The following AFM variants were observed in gnomAD, a reference collection of about 807,000 sequenced individuals.
The protein encoded by AFM is alpha-Alb.
In AFM, 82 loss-of-function variants were observed where a neutral mutation model predicts 68.7. The ratio of observed to expected loss-of-function variants is 1.19; its 90% CI spans 1.00 to 1.43. The LOEUF (loss-of-function observed/expected upper bound fraction) is 1.43. Ranked by LOEUF, AFM falls within the 40% of genes most tolerant of loss-of-function variation. The probability of loss-of-function intolerance (pLI) is 0.00; values close to 1 mark genes in which losing one functional copy is unlikely to be tolerated. For synonymous variants in AFM, 250 were observed against 234.2 expected, an observed-to-expected ratio of 1.07 and a Z score of -0.61; for missense variants, 772 against 701.8, an observed-to-expected ratio of 1.10 and a Z score of -1.13.
intron 3 of AFM, 117 bp from the exon 4 acceptor site, chr4:73,485,745 A>G: frequency 1.3e-6 from 1 of 748,920 alleles, no homozygotes; most frequent in Non-Finnish European, 2.2e-6. Context: ...GGAGTAGGAG[A>G]AAGAGAAGGA....
rs371280850 is a variant in AFM at position 73,492,043 on chromosome 4, G to A, written c.1015G>A (p.Val339Met). The part of the protein sequence containing the change: ...REGKFTDSEN[V>M]CQERDADPDT... ...AGGAAAATTTACTGACAGTGAAAATGTGTGTCAAGAACGAGATGCTGACCC... is the reference window on the plus strand; with the variant it reads ...AGGAAAATTTACTGACAGTGAAAATATGTGTCAAGAACGAGATGCTGACCC... The change falls in exon 8 of 15, where the codon GTG becomes ATG. Residue 339 changes from valine (V) to methionine (M), a missense_variant. Physicochemically the swap from Val to Met is conservative, Grantham distance 21. Transcript: ENST00000226355. 1.8e-5 allele frequency: 29 copies of A among 1,613,108 alleles called. No individual in the cohort carries two copies. In the South Asian group the frequency reaches 3.0e-4, roughly 17 times the overall value.
intron 1 of AFM, 95 bp downstream of exon 1, chr4:73,481,958 G>C: frequency 1.1e-6 from 1 of 873,786 alleles, no homozygotes; most frequent in East Asian, 2.7e-5. Flanking sequence ...TTCTTTACTT[G>C]CTTTTTTCAC....
rs1006236927 is a variant in AFM at position 73,484,067 on chromosome 4, A to G, written c.137+78A>G. On this transcript the variant is annotated intron_variant, in intron 2 of 14. Transcript: ENST00000226355. Reference sequence around the variant, plus strand: ...GAAATGTTAATGCTTCTCAAAAGTAATTTAACTAAATAGAAGCCATATCCA... The same window carrying G: ...GAAATGTTAATGCTTCTCAAAAGTAGTTTAACTAAATAGAAGCCATATCCA... 1.8e-5 allele frequency: 25 copies of G among 1,395,220 alleles called. No individual in the cohort carries two copies. The African/African-American group carries it at 3.3e-4, about 18-fold the overall frequency. The allele number at this position is 1,395,220 out of a possible 1,614,324, so 86.4% of individuals were successfully genotyped here.
At chr4:73,497,894 G>C in intron 10 of AFM, 145 bp downstream of exon 10, 1 of 490,106 alleles carries the variant, frequency 2.0e-6, no homozygotes, top group Non-Finnish European at 3.6e-6. Flanking sequence ...AGTCAAGAAT[G>C]CCTATTGAAC....
chr4:73,501,951 C>A (rs1721435818), intron 13 of AFM, 32 bp downstream of exon 13: 1 of 1,603,496 alleles, frequency 6.2e-7, no homozygotes, highest in Non-Finnish European at 8.5e-7. Context: ...TGAAATTCAA[C>A]TGGTTTTCCT....
Position 73,485,870 on chromosome 4 carries a change from T to C in AFM, c.279T>C (p.Val93=), listed in dbSNP as rs1314209974. The change falls in exon 4 of 15, where the codon GTT becomes GTC. Residue 93 remains valine (V), a synonymous_variant. Transcript: ENST00000226355. The part of the protein sequence containing the change: ...LPECSKLPNN[V]LQEKICAMEG... ...TCTTCTCTGTTGTATAGAATAATGT[T>C]TTACAGGAAAAAATATGTGCTATGG... is the stretch of plus-strand genomic sequence containing the variant. The C allele has an allele frequency of 1.2e-6, 2 of 1,613,524 alleles. No homozygotes were observed. Among genetic ancestry groups the C allele is most frequent in the Non-Finnish European group, 1.7e-6 (2 of 1,179,676 alleles).
chr4:73,491,969 T>C lies in AFM; in HGVS notation c.941T>C (p.Ile314Thr), dbSNP rs767432166. The C allele has an allele frequency of 6.2e-7, 1 of 1,614,008 alleles. No individual in the cohort carries two copies. The highest frequency in any genetic ancestry group is 8.5e-7 in the Non-Finnish European group (1 of 1,179,944). The change falls in exon 8 of 15, where the codon ATA (isoleucine) becomes ACA (threonine). Residue 314 changes from isoleucine (I) to threonine (T), a missense_variant. Ile to Thr is a moderately conservative substitution (Grantham distance 89). Coordinates refer to ENST00000226355, the MANE Select transcript of AFM (RefSeq NM_001133.2). Reference protein sequence around the residue: ...EKKIPERGQCIINSNKDDRPK... With the variant: ...EKKIPERGQCTINSNKDDRPK... ...AAAATACCAGAGCGCGGCCAGTGCA[T>C]AATTAACTCAAACAAAGATGATAGA...
In AFM at chr4:73,485,859, T is replaced by C. The variant is rs1289571943; in HGVS notation, c.271-3T>C. On this transcript the variant is annotated splice_polypyrimidine_tract_variant and splice_region_variant and intron_variant, in intron 3 of 14. Coordinates refer to ENST00000226355, the MANE Select transcript of AFM (RefSeq NM_001133.2). ...AATTGTCCTTTTCTTCTCTGTTGTA[T>C]AGAATAATGTTTTACAGGAAAAAAT... The C allele has an allele frequency of 6.2e-7, 1 of 1,612,260 alleles. No homozygotes were observed. Among genetic ancestry groups the C allele is most frequent in the South Asian group, 1.1e-5 (1 of 91,026 alleles).
At chr4:73,498,992 A>G in intron 10 of AFM, 122 bp from the exon 11 acceptor site, 1 of 908,508 alleles carries the variant, frequency 1.1e-6, no homozygotes, top group Admixed American at 2.8e-5. Flanking sequence ...TGAGAGAGCT[A>G]AGGTTCATGT....
At position 73,487,083 on chromosome 4, in the gene AFM, A is replaced by C; in HGVS notation, c.599A>C (p.Asn200Thr). The C allele has an allele frequency of 1.2e-6, 2 of 1,613,972 alleles. No individual in the cohort carries two copies. Among genetic ancestry groups the C allele is most frequent in the South Asian group, 1.1e-5 (1 of 91,066 alleles). Residue 200 changes from asparagine (N) to threonine (T), a missense_variant, in exon 5 of 15, where the codon AAC becomes ACC. Coordinates refer to ENST00000226355, the MANE Select transcript of AFM (RefSeq NM_001133.2). The stretch of plus-strand genomic sequence containing the variant: ...TGTTGTGAAGAACAAAACAAAGTCA[A>C]CTGCCTTCAAACAAGGGTGGGTATA... ...KSCCEEQNKV[N>T]CLQTRAIPVT... is the part of the protein sequence containing the mutation.
At position 73,491,934 on chromosome 4, in the gene AFM, C is replaced by T. The variant is rs1577976682; in HGVS notation, c.906C>T (p.Cys302=). 6.2e-7 allele frequency: 1 copy of T among 1,613,858 alleles called. No individual in the cohort carries two copies. The highest frequency in any genetic ancestry group is 8.5e-7 in the Non-Finnish European group (1 of 1,179,894). The change falls in exon 8 of 15, where the codon TGC becomes TGT. Residue 302 remains cysteine, a synonymous_variant. Transcript: ENST00000226355. ...CTATCTCCAGCAAAATCAAAGAGTG[C>T]TGTGAAAAGAAAATACCAGAGCGCG... ...QDSISSKIKE[C]CEKKIPERGQ...
At chr4:73,490,522 C>A (rs1280896923) in intron 7 of AFM, among the ~76,000 whole-genome samples, 2 of 152,138 alleles carry the variant, frequency 1.3e-5, no homozygotes, top group Non-Finnish European at 2.9e-5. Context: ...TGGGTTCACG[C>A]CATTCTCCTG....
chr4:73,487,142 C>G (rs1196777707), intron 5 of AFM, 43 bp downstream of exon 5: 1 of 1,605,588 alleles, frequency 6.2e-7, no homozygotes, highest in South Asian at 1.1e-5. Context: ...AGAAATCACT[C>G]AATACCACAG....
intron 7 of AFM, among the ~76,000 whole-genome samples, chr4:73,490,237 G>C (rs147672354): frequency 6.9e-4 from 104 of 151,228 alleles, no homozygotes; most frequent in African/African-American, 2.4e-3. Flanking sequence ...TAGGCTTACA[G>C]TGAAGATAGC....
rs756891996 is a variant in AFM, at chr4:73,495,370, T to C, written c.1129T>C (p.Tyr377His). The C allele has an allele frequency of 3.0e-5, 48 of 1,613,248 alleles. No individual in the cohort carries two copies. In the East Asian group the frequency reaches 9.8e-4, roughly 33 times the overall value. Residue 377 changes from tyrosine to histidine, a missense_variant, in exon 9 of 15, where the codon TAC (tyrosine) becomes CAC (histidine). By Grantham distance (83) the Tyr-to-His change is moderately conservative. Transcript: ENST00000226355. Reference sequence around the variant, plus strand: ...AGAGCTTTTAAGAATTGTTCAAATATACAAAGATCTCCTGAGAAATTGCTG... The same window carrying C: ...AGAGCTTTTAAGAATTGTTCAAATACACAAAGATCTCCTGAGAAATTGCTG... Reference protein sequence around the residue: ...IPELLRIVQIYKDLLRNCCNT... With the variant: ...IPELLRIVQIHKDLLRNCCNT...
Position 73,500,095 on chromosome 4 carries a change from T to A in AFM, c.1514T>A (p.Phe505Tyr). 3 of 1,614,088 alleles carry A rather than the reference T, an allele frequency of 1.9e-6. No individual in the cohort carries two copies. The highest frequency in any genetic ancestry group is 1.7e-6 in the Non-Finnish European group (2 of 1,179,976). ...CACTGCTGTAAAACAAACTTTGCCTTCAGAAGGCCCTGCTTTGAGAGTTTG... is the reference window on the plus strand; with the variant it reads ...CACTGCTGTAAAACAAACTTTGCCTACAGAAGGCCCTGCTTTGAGAGTTTG... ...VDHCCKTNFAFRRPCFESLKA... is the reference protein window; with the variant it reads ...VDHCCKTNFAYRRPCFESLKA... Residue 505 changes from phenylalanine to tyrosine, a missense_variant, in exon 12 of 15, where the codon TTC becomes TAC. Phe to Tyr is a conservative substitution (Grantham distance 22, BLOSUM62 3). Coordinates refer to ENST00000226355, the MANE Select transcript of AFM (RefSeq NM_001133.2).
intron 9 of AFM, 88 bp from the exon 10 acceptor site, chr4:73,497,564 A>G: frequency 1.3e-6 from 1 of 767,114 alleles, no homozygotes; most frequent in South Asian, 3.0e-5. Context: ...TACCATAGAA[A>G]TAAGAAATGC....
chr4:73,484,117 T>A, intron 2 of AFM, 128 bp downstream of exon 2: 1 of 1,385,986 alleles, frequency 7.2e-7, no homozygotes, highest in Non-Finnish European at 9.6e-7. Flanking sequence ...ATTATAAAAT[T>A]CAGGCAAAGA....
At chr4:73,496,191 T>A (rs1195246005) in intron 9 of AFM, among the ~76,000 whole-genome samples, 1 of 152,198 alleles carries the variant, frequency 6.6e-6, no homozygotes, top group African/African-American at 2.4e-5. Context: ...GTGTTCCCTC[T>A]AGGGAAGCTA....
Sources: gnomAD v4.1 joint callset for allele counts (sites outside exome capture counted in the v4.1 genomes callset) on GRCh38, gnomAD v4.1.1 for gene constraint, MANE v1.5 for transcripts, NCBI Gene and HGNC (gene_info 2026-07-23, HGNC 2026-07-21) for gene names.